Variants in SHANK2 observed in about 807,000 individuals in gnomAD.
SHANK2 encodes SH3 and multiple ankyrin repeat domains 2.
A neutral mutation model predicts 133.7 loss-of-function variants in SHANK2; 43 were observed. That is an observed-to-expected ratio of 0.32 (90% confidence interval 0.25 to 0.41). SHANK2 has a LOEUF of 0.41. SHANK2 is among the 10% of genes least tolerant of loss of function. The probability of loss-of-function intolerance (pLI) is 1.00; values close to 1 mark genes in which losing one functional copy is unlikely to be tolerated. For synonymous variants in SHANK2, 1,017 were observed against 952.8 expected (o/e 1.07, Z -1.24); for missense variants, 1,994 against 2,235.8 (o/e 0.89, Z 2.18).
chr11:71,204,247 T>C, intron 2 of SHANK2, among the ~76,000 whole-genome samples: 1 of 151,986 alleles, frequency 6.6e-6, no homozygotes, highest in African/African-American at 2.4e-5. Context: ...AAAAAACCCA[T>C]AAACTCCATG....
At chr11:70,533,166 G>A (rs988214822) in intron 17 of SHANK2, among the ~76,000 whole-genome samples, 2 of 152,206 alleles carry the variant, frequency 1.3e-5, no homozygotes, top group Non-Finnish European at 2.9e-5. Flanking sequence ...ACCGGAAGAA[G>A]GTGATGGTTG....
chr11:71,236,749 CAA>C (rs1213979679), intron 1 of SHANK2, among the ~76,000 whole-genome samples: 3 of 152,172 alleles, frequency 2.0e-5, no homozygotes, highest in Non-Finnish European at 4.4e-5. Context: ...TTTTTGGAGA[CAA>C]ACTGTACAGC....
At chr11:70,503,195 T>C (rs540555293) in intron 17 of SHANK2, among the ~76,000 whole-genome samples, 62 of 152,282 alleles carry the variant, frequency 4.1e-4, no homozygotes, top group African/African-American at 1.3e-3. Context: ...TGCTGAGTCC[T>C]CCACAGCTGC....
At chr11:71,091,871 CACCTCT>C (rs1951524792) in intron 8 of SHANK2, among the ~76,000 whole-genome samples, 1 of 152,202 alleles carries the variant, frequency 6.6e-6, no homozygotes, top group Non-Finnish European at 1.5e-5. Context: ...ACCCCGTCCA[CACCTCT>C]ACCTGATCAG....
At chr11:70,834,752 T>C (rs1948781188) in intron 11 of SHANK2, among the ~76,000 whole-genome samples, 1 of 152,162 alleles carries the variant, frequency 6.6e-6, no homozygotes, top group Non-Finnish European at 1.5e-5. Context: ...GGTAGGAGTC[T>C]GTGGTGTTTG....
At chr11:70,572,096 C>A (rs953560441) in intron 17 of SHANK2, among the ~76,000 whole-genome samples, 1 of 152,212 alleles carries the variant, frequency 6.6e-6, no homozygotes, top group Non-Finnish European at 1.5e-5. Flanking sequence ...GACAGGCCCT[C>A]GCCAGAATCC....
intron 17 of SHANK2, among the ~76,000 whole-genome samples, chr11:70,586,107 A>C (rs1399958358): frequency 6.6e-6 from 1 of 152,150 alleles, no homozygotes; most frequent in Non-Finnish European, 1.5e-5. Context: ...GGAGAATCGC[A>C]CAGGTGCCTG....
intron 6 of SHANK2, among the ~76,000 whole-genome samples, chr11:71,099,478 A>C (rs1555096281): frequency 6.6e-6 from 1 of 152,152 alleles, no homozygotes; most frequent in African/African-American, 2.4e-5. Context: ...TCTAAAATGA[A>C]AAGTTTGTTT....
chr11:70,658,264 G>GACAC (rs1208417379), intron 17 of SHANK2, among the ~76,000 whole-genome samples: 1 of 99,236 alleles, frequency 1.0e-5, no homozygotes, highest in African/African-American at 4.9e-5. Context: ...CACACACACA[G>GACAC]ACACACACAC....
At chr11:70,950,804 T>C (rs147195094) in intron 10 of SHANK2, among the ~76,000 whole-genome samples, 1 of 152,066 alleles carries the variant, frequency 6.6e-6, no homozygotes, top group Non-Finnish European at 1.5e-5. Flanking sequence ...TGTGTGGGTG[T>C]GTATGTATGT....
At chr11:71,085,602 ATT>A (rs1951373857) in intron 8 of SHANK2, among the ~76,000 whole-genome samples, 1 of 86,740 alleles carries the variant, frequency 1.2e-5, no homozygotes, top group African/African-American at 4.8e-5. Flanking sequence ...TAATATATAT[ATT>A]AAATATATAT....
chr11:70,528,328 G>A (rs1253765317), intron 17 of SHANK2, among the ~76,000 whole-genome samples: 1 of 152,186 alleles, frequency 6.6e-6, no homozygotes, highest in East Asian at 1.9e-4. Flanking sequence ...CAGCAGGGAT[G>A]CAGCCTCCTG....
chr11:70,626,302 G>A (rs569128984), intron 17 of SHANK2, among the ~76,000 whole-genome samples: 1 of 152,148 alleles, frequency 6.6e-6, no homozygotes. Context: ...ATTTAGGAAC[G>A]GTTATGAAAC....
At chr11:70,902,296 T>C (rs782749461) in intron 10 of SHANK2, among the ~76,000 whole-genome samples, 8 of 152,168 alleles carry the variant, frequency 5.3e-5, no homozygotes, top group Non-Finnish European at 7.4e-5. Flanking sequence ...TAAACAAGAG[T>C]TATGTAACAC....
intron 11 of SHANK2, among the ~76,000 whole-genome samples, chr11:70,826,313 C>T (rs1237334489): frequency 2.6e-5 from 4 of 152,148 alleles, no homozygotes; most frequent in Admixed American, 1.3e-4. Context: ...CAAACCAAAC[C>T]GTATCCCAAA....
At chr11:71,086,045 ATATGTTATATAATATATTATATAATATAT>A (rs1590895240) in intron 8 of SHANK2, among the ~76,000 whole-genome samples, 2 of 76,178 alleles carry the variant, frequency 2.6e-5, no homozygotes, top group Non-Finnish European at 4.4e-5. Context: ...ATATTATATA[ATATGTTATATAATATATTATATAATATAT>A]TATGTTATAT....
chr11:70,602,091 G>A (rs2060505372), intron 17 of SHANK2, among the ~76,000 whole-genome samples: 1 of 152,194 alleles, frequency 6.6e-6, no homozygotes, highest in African/African-American at 2.4e-5. Context: ...GTTCTCCGGA[G>A]CTCTGGTTAA....
At chr11:70,791,647 T>C (rs1947788669) in intron 14 of SHANK2, among the ~76,000 whole-genome samples, 1 of 152,174 alleles carries the variant, frequency 6.6e-6, no homozygotes, top group Admixed American at 6.5e-5. Context: ...TATGTTTCTG[T>C]TTCCCCATTG....
chr11:70,840,991 G>T (rs969018139), intron 11 of SHANK2, among the ~76,000 whole-genome samples: 33 of 152,290 alleles, frequency 2.2e-4, no homozygotes, highest in African/African-American at 7.2e-4. Flanking sequence ...GGCCAGGCGT[G>T]GTGGCTCATG....
Sources: allele counts gnomAD v4.1 joint callset (sites outside exome capture counted in the v4.1 genomes callset), GRCh38; gene constraint gnomAD v4.1.1; transcripts MANE v1.5; gene names NCBI Gene and HGNC (gene_info 2026-07-23, HGNC 2026-07-21).